Variants in AGPS observed in about 807,000 individuals in gnomAD.
AGPS encodes alkyldihydroxyacetonephosphate synthase, peroxisomal.
AGPS carries 26 observed loss-of-function variants against 90.7 expected under a neutral mutation model. The ratio of observed to expected loss-of-function variants is 0.29; its 90% CI spans 0.21 to 0.40. The LOEUF (loss-of-function observed/expected upper bound fraction) is 0.40. AGPS is among the 10% of genes least tolerant of loss of function. AGPS has a pLI of 1.00. For synonymous variants in AGPS, 294 were observed against 285.3 expected, an observed-to-expected ratio of 1.03 and a Z score of -0.31; for missense variants, 540 against 816.1, an observed-to-expected ratio of 0.66 and a Z score of 4.12.
chr2:177,503,523 T>C (rs2105716063), intron 14 of AGPS, among the ~76,000 whole-genome samples: 1 of 152,296 alleles, frequency 6.6e-6, no homozygotes, highest in Admixed American at 6.5e-5. Flanking sequence ...AACCTTGAAT[T>C]GATGTTTGAA....
intron 10 of AGPS, 146 bp downstream of exon 10, chr2:177,468,670 A>C: frequency 1.5e-5 from 9 of 619,336 alleles, no homozygotes. Flanking sequence ...TTAAGACTAT[A>C]AAGTTTTATT....
intron 14 of AGPS, among the ~76,000 whole-genome samples, chr2:177,502,322 C>G (rs771855040): frequency 7.9e-5 from 12 of 151,608 alleles, no homozygotes; most frequent in Middle Eastern, 3.4e-3. Flanking sequence ...ATTCTGGCTC[C>G]CTTTTATTAG....
At chr2:177,497,324 A>G (rs1254945343) in intron 12 of AGPS, among the ~76,000 whole-genome samples, 2 of 151,870 alleles carry the variant, frequency 1.3e-5, no homozygotes, top group African/African-American at 4.8e-5. Context: ...ACCAGCCACC[A>G]TGGGTGTTCT....
chr2:177,414,897 C>CGTGTGTGTGTGTGTGTGTGTGTGTGT (rs397986794), intron 1 of AGPS, among the ~76,000 whole-genome samples: 50 of 146,214 alleles, frequency 3.4e-4, no homozygotes, highest in Admixed American at 1.3e-3. Flanking sequence ...TATGAAGGTT[C>CGTGTGTGTGTGTGTGTGTGTGTGTGT]GTGTGTGTGT....
chr2:177,423,937 G>A (rs1251131795), intron 2 of AGPS, among the ~76,000 whole-genome samples: 1 of 152,084 alleles, frequency 6.6e-6, no homozygotes, highest in Non-Finnish European at 1.5e-5. Context: ...CAATTCTAGA[G>A]ATTTTTTTTT....
intron 10 of AGPS, among the ~76,000 whole-genome samples, chr2:177,468,973 A>G (rs1687534691): frequency 1.3e-5 from 2 of 152,088 alleles, no homozygotes; most frequent in Admixed American, 6.5e-5. Context: ...GTTCACATAT[A>G]TTTTAAACTT....
chr2:177,518,697 G>T (rs1480760006), intron 17 of AGPS, among the ~76,000 whole-genome samples: 1 of 123,468 alleles, frequency 8.1e-6, no homozygotes, highest in African/African-American at 3.2e-5. Context: ...CTATCTATCT[G>T]TCTGTATATG....
At chr2:177,436,682 AT>A in intron 3 of AGPS, 81 bp from the exon 4 acceptor site, 1 of 1,392,322 alleles carries the variant, frequency 7.2e-7, no homozygotes, top group Non-Finnish European at 1.0e-6. Context: ...AAAAGTCTAC[AT>A]TTTATAGTCA....
chr2:177,393,951 G>A (rs761725407), intron 1 of AGPS, among the ~76,000 whole-genome samples: 5 of 152,162 alleles, frequency 3.3e-5, no homozygotes, highest in Non-Finnish European at 5.9e-5. Flanking sequence ...GTGTGCCAAA[G>A]TGTGCTAAAT....
intron 1 of AGPS, among the ~76,000 whole-genome samples, chr2:177,407,165 A>ACCT (rs2105593182): frequency 6.6e-6 from 1 of 152,278 alleles, no homozygotes; most frequent in South Asian, 2.1e-4. Flanking sequence ...GGGTAATGAC[A>ACCT]CCTACATCAC....
chr2:177,499,369 A>T (rs905994025), intron 13 of AGPS, among the ~76,000 whole-genome samples: 2 of 151,720 alleles, frequency 1.3e-5, no homozygotes, highest in African/African-American at 4.8e-5. Context: ...ATATGTTATT[A>T]TGATTAACAC....
chr2:177,529,109 A>T lies in AGPS; in HGVS notation c.1855+5304A>T, dbSNP rs1006906257. Among the ~76,000 whole-genome samples, 6 of 151,928 alleles carry T rather than the reference A, an allele frequency of 3.9e-5. 1 individual carries two copies. Among genetic ancestry groups the T allele is most frequent in the South Asian group, 4.1e-4 (2 of 4,824 alleles). The stretch of plus-strand genomic sequence containing the variant: ...TGACCTCAGGTGATCCACCTGTCTC[A>T]GCCTCCCAAAGTGCTGGGATTACAG... On this transcript the variant is annotated intron_variant, in intron 19 of 19. Transcript: ENST00000264167.
intron 19 of AGPS, among the ~76,000 whole-genome samples, chr2:177,533,751 A>G (rs16865334): frequency 0.03 from 4,638 of 152,302 alleles, 230 homozygotes; most frequent in African/African-American, 0.1. Context: ...ACTTTCTTAC[A>G]TAATCCAGCA....
At chr2:177,530,512 A>G (rs1185100916) in intron 19 of AGPS, among the ~76,000 whole-genome samples, 67 of 152,214 alleles carry the variant, frequency 4.4e-4, no homozygotes, top group Non-Finnish European at 5.9e-5. Flanking sequence ...TTAAAACTCA[A>G]GTTGAACTCA....
intron 11 of AGPS, among the ~76,000 whole-genome samples, chr2:177,487,147 A>G (rs1688119407): frequency 6.6e-6 from 1 of 152,010 alleles, no homozygotes; most frequent in African/African-American, 2.4e-5. Context: ...TAAAAGGAAA[A>G]CCGAGTGTTA....
At chr2:177,521,461 T>C (rs1168521333) in intron 18 of AGPS, 93 bp downstream of exon 18, 1 of 1,044,404 alleles carries the variant, frequency 9.6e-7, no homozygotes, top group South Asian at 1.3e-5. Flanking sequence ...TGAGTCTCTT[T>C]AATCACACAT....
intron 8 of AGPS, among the ~76,000 whole-genome samples, chr2:177,459,623 A>G (rs1421806871): frequency 1.3e-5 from 2 of 152,220 alleles, no homozygotes; most frequent in Non-Finnish European, 2.9e-5. Context: ...ATGAGATACC[A>G]TTTCACGCCA....
At chr2:177,486,097 A>G (rs1168734894) in intron 11 of AGPS, among the ~76,000 whole-genome samples, 1 of 152,210 alleles carries the variant, frequency 6.6e-6, no homozygotes, top group African/African-American at 2.4e-5. Context: ...AGAAATACAA[A>G]TATTATGGAC....
In AGPS at chr2:177,493,185, A is replaced by C. The variant is rs369970802; in HGVS notation, c.1271A>C (p.Lys424Thr). 1.2e-6 allele frequency: 2 copies of C among 1,613,358 alleles called. No homozygotes were observed. The highest frequency in any genetic ancestry group is 1.7e-6 in the Non-Finnish European group (2 of 1,179,554). Residue 424 changes from lysine (K) to threonine (T), a missense_variant, in exon 12 of 20, where the codon AAG becomes ACG. This residue lies in a region of AGPS where 405 missense variants were observed against 692.1 expected (regional missense o/e 0.59). Coordinates refer to ENST00000264167, the MANE Select transcript of AGPS (RefSeq NM_003659.4). ...GCATCTATTCGCCTCATGGACAACA[A>C]GCAGTTTCAGTTTGGTAAGTAAGGA... ...APASIRLMDNKQFQFGHALKP... is the reference protein window; with the variant it reads ...APASIRLMDNTQFQFGHALKP...
Sources: gnomAD v4.1 joint callset for allele counts (sites outside exome capture counted in the v4.1 genomes callset) on GRCh38, gnomAD v4.1.1 for gene constraint, gnomAD v4.1.1 regional missense constraint, MANE v1.5 for transcripts, NCBI Gene and HGNC (gene_info 2026-07-23, HGNC 2026-07-21) for gene names.